LRRC4C: variants seen among roughly 807,000 people sequenced by gnomAD.
LRRC4C encodes the protein leucine-rich repeat-containing protein 4C.
In LRRC4C, 5 loss-of-function variants were observed where a neutral mutation model predicts 33.6. The ratio of observed to expected loss-of-function variants is 0.15; its 90% confidence interval spans 0.08 to 0.31. LRRC4C has a LOEUF of 0.31. Ranked by LOEUF, LRRC4C falls within the 10% of genes least tolerant of loss-of-function variation. The pLI is 1.00. For synonymous variants in LRRC4C, 329 were observed against 302.0 expected (o/e 1.09, Z -0.93); for missense variants, 560 against 796.7 (o/e 0.70, Z 3.58).
chr11:40,971,554 G>T (rs1314844034), intron 1 of LRRC4C, among the ~76,000 whole-genome samples: 2 of 152,196 alleles, frequency 1.3e-5, no homozygotes, highest in African/African-American at 4.8e-5. Flanking sequence ...TCCTCACAGA[G>T]AACCTCTATT....
chr11:41,055,901 C>T (rs1468629699), intron 1 of LRRC4C, among the ~76,000 whole-genome samples: 1 of 151,986 alleles, frequency 6.6e-6, no homozygotes. Flanking sequence ...TCAACCCCTA[C>T]CTCAAATAGA....
chr11:40,285,378 G>T (rs1255248322), intron 4 of LRRC4C, among the ~76,000 whole-genome samples: 1 of 152,176 alleles, frequency 6.6e-6, no homozygotes, highest in Non-Finnish European at 1.5e-5. Flanking sequence ...CAGGTGATGG[G>T]ATCGTATTAC....
chr11:41,325,066 AT>A, intron 1 of LRRC4C, among the ~76,000 whole-genome samples: 1 of 152,322 alleles, frequency 6.6e-6, no homozygotes, highest in South Asian at 2.1e-4. Context: ...AGCAAGGATT[AT>A]TTTTTGCCTG....
At chr11:41,371,518 CT>C (rs1241900684) in intron 1 of LRRC4C, among the ~76,000 whole-genome samples, 2 of 152,106 alleles carry the variant, frequency 1.3e-5, no homozygotes, top group African/African-American at 4.8e-5. Flanking sequence ...GGACATTTAT[CT>C]TCAGGTAAAC....
chr11:40,855,506 G>C (rs1953737391), intron 2 of LRRC4C, among the ~76,000 whole-genome samples: 1 of 152,072 alleles, frequency 6.6e-6, no homozygotes. Flanking sequence ...CTTACTTGGA[G>C]CCTTTCTGGG....
At chr11:40,192,936 A>G (rs1167662328) in intron 5 of LRRC4C, among the ~76,000 whole-genome samples, 4 of 152,170 alleles carry the variant, frequency 2.6e-5, no homozygotes, top group Non-Finnish European at 4.4e-5. Context: ...TCTCTGAAAG[A>G]AAGGCAGCAG....
chr11:41,368,289 C>T lies in LRRC4C; in HGVS notation c.-496+91142G>A, dbSNP rs377380221. 1.8e-4 allele frequency among the ~76,000 whole-genome samples: 28 copies of T among 152,160 alleles called. No homozygotes were observed. The East Asian group carries it at 2.1e-3, about 12-fold the overall frequency. ...TTTCTGTCACTCTATCCTGAGCAAT[C>T]AGTGTCCAATTTGTTTGTCTTTCGC... On this transcript the variant is annotated intron_variant, in intron 1 of 6. Coordinates refer to ENST00000528697, the MANE Select transcript of LRRC4C (RefSeq NM_001258419.2).
At chr11:41,411,939 C>A (rs1330335516) in intron 1 of LRRC4C, among the ~76,000 whole-genome samples, 1 of 152,066 alleles carries the variant, frequency 6.6e-6, no homozygotes, top group African/African-American at 2.4e-5. Flanking sequence ...GCTCCAGCCA[C>A]CCAAGACACT....
At chr11:41,412,437 T>C (rs886694735) in intron 1 of LRRC4C, among the ~76,000 whole-genome samples, 1 of 152,204 alleles carries the variant, frequency 6.6e-6, no homozygotes, top group Non-Finnish European at 1.5e-5. Context: ...GAAGTTTCCA[T>C]GAACCTATTG....
chr11:40,481,100 A>T lies in LRRC4C; in HGVS notation c.-269-161379T>A, dbSNP rs113236217. On this transcript the variant is annotated intron_variant, in intron 3 of 6. Transcript: ENST00000528697. ...AAAAGAAAATATCTGCTAGGAATAA[A>T]TGAGATGGTGTTTTTAATACGTCCA... is the stretch of plus-strand genomic sequence containing the variant. Among the ~76,000 whole-genome samples, 295 of 152,224 alleles carry T rather than the reference A, an allele frequency of 1.9e-3. 1 individual carries two copies. The highest frequency in any genetic ancestry group is 6.8e-3 in the African/African-American group (284 of 41,566).
At chr11:41,168,612 G>T (rs573864821) in intron 1 of LRRC4C, among the ~76,000 whole-genome samples, 1 of 152,252 alleles carries the variant, frequency 6.6e-6, no homozygotes, top group East Asian at 1.9e-4. Context: ...CCTGCCTTTT[G>T]ATACAGAAAT....
chr11:40,149,949 A>T (rs1297364952), intron 5 of LRRC4C, among the ~76,000 whole-genome samples: 1 of 152,134 alleles, frequency 6.6e-6, no homozygotes, highest in Non-Finnish European at 1.5e-5. Flanking sequence ...TGATGATATA[A>T]AACAACAGAA....
intron 3 of LRRC4C, among the ~76,000 whole-genome samples, chr11:40,636,691 G>C (rs1003042084): frequency 3.9e-5 from 6 of 152,098 alleles, no homozygotes; most frequent in Non-Finnish European, 5.9e-5. Context: ...TGTAACCACA[G>C]CATCTTCAAC....
chr11:41,282,940 C>A (rs552939921), intron 1 of LRRC4C, among the ~76,000 whole-genome samples: 1 of 152,144 alleles, frequency 6.6e-6, no homozygotes, highest in Non-Finnish European at 1.5e-5. Flanking sequence ...AGAAAAATCA[C>A]ACCAGAGCCA....
At chr11:40,738,405 A>G (rs1041561791) in intron 2 of LRRC4C, among the ~76,000 whole-genome samples, 1 of 152,050 alleles carries the variant, frequency 6.6e-6, no homozygotes, top group Admixed American at 6.6e-5. Context: ...ATATATTTCT[A>G]TCTCTTTCTA....
intron 1 of LRRC4C, among the ~76,000 whole-genome samples, chr11:41,177,670 G>T (rs1215086883): frequency 3.9e-5 from 6 of 152,066 alleles, no homozygotes; most frequent in Admixed American, 3.3e-4. Context: ...AATCAGAAGT[G>T]GGTTACATCC....
chr11:40,836,016 T>C (rs1316574990), intron 2 of LRRC4C, among the ~76,000 whole-genome samples: 2 of 152,186 alleles, frequency 1.3e-5, no homozygotes, highest in Non-Finnish European at 2.9e-5. Flanking sequence ...GGTAAGTGTG[T>C]CACAACTTAA....
At chr11:40,892,253 T>C (rs1160840535) in intron 2 of LRRC4C, among the ~76,000 whole-genome samples, 1 of 151,872 alleles carries the variant, frequency 6.6e-6, no homozygotes, top group African/African-American at 2.4e-5. Flanking sequence ...GAAATCAGTA[T>C]ATTGAAGAGA....
rs569757387 is a variant in LRRC4C, at chr11:41,362,291, GA to G, written c.-496+97139del. 9.5e-4 allele frequency among the ~76,000 whole-genome samples: 145 copies of G among 151,878 alleles called. 1 individual carries two copies. Among genetic ancestry groups the G allele is most frequent in the Non-Finnish European group, 1.8e-3 (119 of 67,924 alleles). On this transcript the variant is annotated intron_variant, in intron 1 of 6. Coordinates refer to ENST00000528697, the MANE Select transcript of LRRC4C (RefSeq NM_001258419.2). ...CATTTTCTCAATCTTTGTGCTAAAA[GA>G]AAAAAACATTTTTTCAGTGGGGGAT...
Sources: gnomAD v4.1 joint callset for allele counts (sites outside exome capture counted in the v4.1 genomes callset) on GRCh38, gnomAD v4.1.1 for gene constraint, MANE v1.5 for transcripts, NCBI Gene and HGNC (gene_info 2026-07-23, HGNC 2026-07-21) for gene names.